Variants in SPOCK1 observed in about 807,000 individuals in gnomAD.
SPOCK1 encodes the protein SPARC (osteonectin), cwcv and kazal like domains proteoglycan 1.
SPOCK1 carries 23 observed loss-of-function variants against 55.3 expected under a neutral mutation model. That is an observed-to-expected ratio of 0.42 (90% CI 0.30 to 0.59). The LOEUF (loss-of-function observed/expected upper bound fraction) is 0.59. SPOCK1 is among the 20% of genes least tolerant of loss of function. SPOCK1 has a pLI of 0.22. For synonymous variants in SPOCK1, 226 were observed against 221.0 expected (o/e 1.02, Z -0.20); for missense variants, 499 against 552.5 (o/e 0.90, Z 0.97).
chr5:137,142,325 A>G (rs1411295880), intron 3 of SPOCK1, among the ~76,000 whole-genome samples: 1 of 152,200 alleles, frequency 6.6e-6, no homozygotes, highest in Non-Finnish European at 1.5e-5. Context: ...CCTCCTGCCC[A>G]GGCCCAGAAT....
At chr5:137,393,917 T>G (rs1751784095) in intron 2 of SPOCK1, among the ~76,000 whole-genome samples, 1 of 152,246 alleles carries the variant, frequency 6.6e-6, no homozygotes, top group Admixed American at 6.5e-5. Context: ...TATCTCCAGA[T>G]GTTCAAATGA....
At chr5:137,015,294 A>AT (rs1201275742) in intron 6 of SPOCK1, among the ~76,000 whole-genome samples, 2 of 151,366 alleles carry the variant, frequency 1.3e-5, no homozygotes, top group Non-Finnish European at 2.9e-5. Context: ...ACAAAAAAAA[A>AT]AAAAAATTAG....
intron 2 of SPOCK1, among the ~76,000 whole-genome samples, chr5:137,460,762 A>G (rs954655687): frequency 6.6e-6 from 1 of 152,144 alleles, no homozygotes; most frequent in Non-Finnish European, 1.5e-5. Context: ...AAAGCTCTAC[A>G]TATCAATTCT....
At chr5:137,494,672 G>A (rs1327980517) in intron 2 of SPOCK1, among the ~76,000 whole-genome samples, 6 of 152,234 alleles carry the variant, frequency 3.9e-5, no homozygotes, top group African/African-American at 1.2e-4. Flanking sequence ...AGAATAAGTA[G>A]TCTATGACAG....
rs1219119906 is a variant in SPOCK1, at chr5:136,976,417, T to G, written c.*2237A>C. 2.0e-5 allele frequency: 3 copies of G among 152,648 alleles called. No homozygotes were observed. The highest frequency in any genetic ancestry group is 7.2e-5 in the African/African-American group (3 of 41,444). The allele number at this position is 152,648 out of a possible 1,614,324, so 9.5% of individuals were successfully genotyped here. A position where few individuals can be genotyped will look rare whatever the true frequency, so the allele number is the denominator to read the frequency against. ...TTAAGTGTCATCTTAATTTGATACT[T>G]GTCATAAGATAATTAGGCAAATTAA... is the stretch of plus-strand genomic sequence containing the variant. On this transcript the variant is annotated 3_prime_UTR_variant, in exon 11 of 11. Coordinates refer to ENST00000394945, the MANE Select transcript of SPOCK1 (RefSeq NM_004598.4).
At chr5:137,367,786 C>T (rs1751107226) in intron 2 of SPOCK1, among the ~76,000 whole-genome samples, 2 of 152,222 alleles carry the variant, frequency 1.3e-5, no homozygotes, top group African/African-American at 4.8e-5. Flanking sequence ...GCACCAACTA[C>T]CTGCTGATAA....
At chr5:137,217,414 C>A (rs567673834) in intron 3 of SPOCK1, among the ~76,000 whole-genome samples, 1 of 152,270 alleles carries the variant, frequency 6.6e-6, no homozygotes, top group Admixed American at 6.5e-5. Context: ...CTTGCCTCCA[C>A]CCAGGGACAC....
At chr5:137,000,752 G>C (rs1481240740) in intron 6 of SPOCK1, among the ~76,000 whole-genome samples, 4 of 152,104 alleles carry the variant, frequency 2.6e-5, no homozygotes, top group Non-Finnish European at 5.9e-5. Flanking sequence ...GAGAGAGAAA[G>C]TAGGCTCTGG....
intron 6 of SPOCK1, among the ~76,000 whole-genome samples, chr5:137,032,441 G>A (rs1225751410): frequency 1.3e-5 from 2 of 152,128 alleles, no homozygotes; most frequent in Non-Finnish European, 2.9e-5. Flanking sequence ...ATTAATTTGG[G>A]GCTGGGGAAC....
intron 2 of SPOCK1, among the ~76,000 whole-genome samples, chr5:137,440,536 C>T (rs4246790): frequency 1 from 151,792 of 152,356 alleles, 75,616 homozygotes; most frequent in Middle Eastern, 1. Flanking sequence ...TTGCTGTTCA[C>T]GATCTTTTTA....
chr5:137,349,296 T>C (rs1033306108), intron 2 of SPOCK1, among the ~76,000 whole-genome samples: 1 of 152,220 alleles, frequency 6.6e-6, no homozygotes, highest in Non-Finnish European at 1.5e-5. Context: ...GGGTAGTAAC[T>C]ATAATTGCCA....
intron 2 of SPOCK1, among the ~76,000 whole-genome samples, chr5:137,327,025 T>C (rs1314919288): frequency 2.0e-5 from 3 of 152,218 alleles, no homozygotes; most frequent in African/African-American, 7.2e-5. Context: ...AACAAAAATG[T>C]TCATTCATCA....
At chr5:137,258,439 T>C (rs1756680615) in intron 3 of SPOCK1, among the ~76,000 whole-genome samples, 1 of 152,244 alleles carries the variant, frequency 6.6e-6, no homozygotes, top group Non-Finnish European at 1.5e-5. Context: ...ACGCAGGTGA[T>C]GCCTGCAGGT....
At chr5:137,302,456 A>G (rs1329403914) in intron 2 of SPOCK1, among the ~76,000 whole-genome samples, 3 of 151,212 alleles carry the variant, frequency 2.0e-5, no homozygotes, top group African/African-American at 7.3e-5. Context: ...ACGCACCTGT[A>G]GTCCCAGCTA....
rs774802646 is a variant in SPOCK1 at position 137,352,584 on chromosome 5, T to A, written c.187-85529A>T. Among the ~76,000 whole-genome samples the A allele has an allele frequency of 4.4e-4, 67 of 151,934 alleles. 1 individual carries two copies. The highest frequency in any genetic ancestry group is 4.4e-3 in the Admixed American group (67 of 15,254). ...AGTAGAGTGCCTGGCACAGCTCGTA[T>A]AACAGCTCAGCAAGAAGCCATGGTG... On this transcript the variant is annotated intron_variant, in intron 2 of 10. Coordinates refer to ENST00000394945, the MANE Select transcript of SPOCK1 (RefSeq NM_004598.4).
intron 2 of SPOCK1, among the ~76,000 whole-genome samples, chr5:137,490,460 C>A (rs1754150784): frequency 6.6e-6 from 1 of 152,128 alleles, no homozygotes; most frequent in Non-Finnish European, 1.5e-5. Flanking sequence ...ACATACAGAG[C>A]GTGCTGAGAA....
intron 2 of SPOCK1, among the ~76,000 whole-genome samples, chr5:137,492,272 C>T (rs1249258084): frequency 4.6e-5 from 7 of 152,172 alleles, no homozygotes; most frequent in East Asian, 1.9e-4. Flanking sequence ...GGGTGCCTAA[C>T]GCCGGGAAAT....
chr5:137,384,595 TC>T (rs201348711), intron 2 of SPOCK1, among the ~76,000 whole-genome samples: 10,765 of 141,398 alleles, frequency 0.076, 987 homozygotes, highest in African/African-American at 0.22. Flanking sequence ...TATTTTTTTT[TC>T]CCCCTGGAGG....
chr5:137,031,671 C>T (rs1244372622), intron 6 of SPOCK1, among the ~76,000 whole-genome samples: 1 of 152,166 alleles, frequency 6.6e-6, no homozygotes, highest in Non-Finnish European at 1.5e-5. Flanking sequence ...ATACAAAACA[C>T]TCACAGCCTG....
Sources: allele counts gnomAD v4.1 joint callset (sites outside exome capture counted in the v4.1 genomes callset), GRCh38; gene constraint gnomAD v4.1.1; transcripts MANE v1.5; gene names NCBI Gene and HGNC (gene_info 2026-07-23, HGNC 2026-07-21).